The following TENM2 variants were observed in gnomAD, a reference collection of about 807,000 sequenced individuals.
TENM2 encodes teneurin-2.
A neutral mutation model predicts 245.2 loss-of-function variants in TENM2; 52 were observed. The ratio of observed to expected loss-of-function variants is 0.21; its 90% confidence interval spans 0.17 to 0.27. The LOEUF is 0.27. Among genes scored for constraint, TENM2 ranks in the 10% least tolerant of loss-of-function variants. The pLI is 1.00. For missense variants in TENM2, 3,046 were observed against 3,666.8 expected (o/e 0.83, Z 4.37); for synonymous variants, 1,363 against 1,438.9 (o/e 0.95, Z 1.19).
At chr5:168,209,686 A>T (rs1762640779) in intron 19 of TENM2, among the ~76,000 whole-genome samples, 1 of 152,236 alleles carries the variant, frequency 6.6e-6, no homozygotes. Context: ...GCAGAACATG[A>T]GGGATTGGAG....
chr5:167,728,294 G>A (rs1760168809), intron 2 of TENM2, among the ~76,000 whole-genome samples: 1 of 151,902 alleles, frequency 6.6e-6, no homozygotes, highest in African/African-American at 2.4e-5. Context: ...TATTAGATAA[G>A]TCTCCCTAAT....
intron 2 of TENM2, among the ~76,000 whole-genome samples, chr5:167,583,660 C>G (rs976059150): frequency 5.9e-5 from 9 of 152,146 alleles, no homozygotes; most frequent in African/African-American, 2.2e-4. Context: ...GCACTTACAA[C>G]GCATAATCTA....
intron 2 of TENM2, among the ~76,000 whole-genome samples, chr5:167,623,878 T>C (rs538737687): frequency 1.3e-5 from 2 of 152,272 alleles, no homozygotes; most frequent in South Asian, 4.1e-4. Context: ...AGATACCATC[T>C]CACACCAGTC....
intron 12 of TENM2, 75 bp downstream of exon 14, chr5:168,127,041 G>A (rs1260742933): frequency 8.0e-7 from 1 of 1,254,214 alleles, no homozygotes; most frequent in Non-Finnish European, 1.1e-6. Context: ...GTTCCTTCAG[G>A]GACACAAGTG....
intron 28 of TENM2, among the ~76,000 whole-genome samples, chr5:168,260,982 A>G (rs530471709): frequency 6.6e-6 from 1 of 152,250 alleles, no homozygotes; most frequent in East Asian, 1.9e-4. Context: ...AACCCCTGCT[A>G]CAGAACCGGC....
chr5:167,515,601 A>G (rs1770275559), intron 2 of TENM2, among the ~76,000 whole-genome samples: 1 of 146,912 alleles, frequency 6.8e-6, no homozygotes, highest in African/African-American at 2.5e-5. Context: ...ATAGTGAATC[A>G]TAGGGCAATA....
At chr5:167,038,475 T>C in the TENM2 span, among the ~76,000 whole-genome samples, 1 of 152,216 alleles carries the variant, frequency 6.6e-6, no homozygotes, top group African/African-American at 2.4e-5. Flanking sequence ...ATGTAATCAT[T>C]TAACTTTAAA....
intron 2 of TENM2, among the ~76,000 whole-genome samples, chr5:167,598,857 G>A (rs1398213158): frequency 6.6e-6 from 1 of 152,106 alleles, no homozygotes; most frequent in African/African-American, 2.4e-5. Context: ...AGTTAGACAA[G>A]CATAATTTAT....
chr5:168,198,711 C>A, intron 15 of TENM2, 142 bp from the exon 18 acceptor site: 1 of 1,072,362 alleles, frequency 9.3e-7, no homozygotes, highest in South Asian at 1.6e-5. Flanking sequence ...AGTTTGGGTT[C>A]CAGCCCCACC....
chr5:167,630,500 A>C (rs1463857848), intron 2 of TENM2, among the ~76,000 whole-genome samples: 1 of 152,198 alleles, frequency 6.6e-6, no homozygotes, highest in African/African-American at 2.4e-5. Context: ...TTTTTCATTT[A>C]GTATTTTCAG....
chr5:168,179,971 C>T (rs1475138293), intron 13 of TENM2, among the ~76,000 whole-genome samples: 2 of 152,152 alleles, frequency 1.3e-5, no homozygotes, highest in Admixed American at 6.5e-5. Context: ...AGCACAGGGT[C>T]CCCACTCTAA....
intron 2 of TENM2, among the ~76,000 whole-genome samples, chr5:167,515,313 A>G (rs891575608): frequency 1.3e-5 from 2 of 152,166 alleles, no homozygotes; most frequent in African/African-American, 4.8e-5. Context: ...CAAGTAGAGT[A>G]TATATGTAAG....
chr5:167,360,812 G>A (rs1387249499), intron 1 of TENM2, among the ~76,000 whole-genome samples: 1 of 152,148 alleles, frequency 6.6e-6, no homozygotes, highest in African/African-American at 2.4e-5. Flanking sequence ...ACTGGAGATT[G>A]GGAGTGGAAG....
chr5:168,093,844 A>G (rs560728039), intron 8 of TENM2, among the ~76,000 whole-genome samples: 1 of 152,322 alleles, frequency 6.6e-6, no homozygotes, highest in South Asian at 2.1e-4. Flanking sequence ...GCTCCTTTAT[A>G]TTTTAGCTTT....
At chr5:167,662,887 G>A (rs748814702) in intron 2 of TENM2, among the ~76,000 whole-genome samples, 1 of 152,126 alleles carries the variant, frequency 6.6e-6, no homozygotes, top group Non-Finnish European at 1.5e-5. Flanking sequence ...ATTCCCAGGA[G>A]TTCAGTAGAC....
chr5:167,575,396 C>T (rs10035359), intron 2 of TENM2, among the ~76,000 whole-genome samples: 8,312 of 152,122 alleles, frequency 0.055, 532 homozygotes, highest in East Asian at 0.19. Flanking sequence ...TTGATTTCAG[C>T]GGCCACGGAA....
intron 2 of TENM2, among the ~76,000 whole-genome samples, chr5:167,646,217 A>G (rs1411611450): frequency 7.7e-6 from 1 of 130,530 alleles, no homozygotes; most frequent in African/African-American, 3.6e-5. Flanking sequence ...ATATATATAT[A>G]TATATATATA....
At chr5:167,186,647 T>C in the TENM2 span, among the ~76,000 whole-genome samples, 2 of 152,226 alleles carry the variant, frequency 1.3e-5, no homozygotes, top group East Asian at 1.9e-4. Context: ...TGGGTCTTCC[T>C]GGACTGATGA....
At chr5:167,543,690 G>A (rs1017601965) in intron 2 of TENM2, among the ~76,000 whole-genome samples, 1 of 152,156 alleles carries the variant, frequency 6.6e-6, no homozygotes, top group African/African-American at 2.4e-5. Flanking sequence ...CAAGGGGTCA[G>A]TTTGACCATG....
Sources: allele counts gnomAD v4.1 joint callset (sites outside exome capture counted in the v4.1 genomes callset), GRCh38; gene constraint gnomAD v4.1.1; transcripts MANE v1.5; gene names NCBI Gene and HGNC (gene_info 2026-07-23, HGNC 2026-07-21).